Variants in KIAA1217 observed in about 807,000 individuals in gnomAD.
The protein encoded by KIAA1217 is KIAA1217.
Under a neutral mutation model 163.9 loss-of-function variants are expected in KIAA1217, and 88 were observed. The ratio of observed to expected loss-of-function variants is 0.54; its 90% CI spans 0.45 to 0.64. The LOEUF (loss-of-function observed/expected upper bound fraction) is 0.64, where lower values mean the gene tolerates loss of function less well. Ranked by LOEUF, KIAA1217 falls within the 30% of genes least tolerant of loss-of-function variation. The probability of loss-of-function intolerance (pLI) is 0.00; values close to 1 mark genes in which losing one functional copy is unlikely to be tolerated. For synonymous variants in KIAA1217, 903 were observed against 923.1 expected, an observed-to-expected ratio of 0.98 and a Z score of 0.39; for missense variants, 2,372 against 2,475.0, an observed-to-expected ratio of 0.96 and a Z score of 0.88.
At chr10:24,106,715 T>C (rs751546671) in intron 2 of KIAA1217, among the ~76,000 whole-genome samples, 16 of 152,178 alleles carry the variant, frequency 1.1e-4, no homozygotes, top group Non-Finnish European at 2.4e-4. Context: ...CTATACCAGA[T>C]GTACAGCAGA....
intron 1 of KIAA1217, among the ~76,000 whole-genome samples, chr10:23,828,713 A>G (rs1838025276): frequency 6.6e-6 from 1 of 152,190 alleles, no homozygotes. Flanking sequence ...CCTCTAAGAT[A>G]TGCTGTATGA....
Position 23,997,690 on chromosome 10 carries a change from G to T in KIAA1217, c.-320-9535G>T, listed in dbSNP as rs192188399. ...AGATAGAGAGATGTAACAGACCTGG[G>T]CCTTTCACTGTCTGGCAGCATTTTG... On this transcript the variant is annotated intron_variant, in intron 1 of 18. Transcript: ENST00000376462. 3.9e-5 allele frequency among the ~76,000 whole-genome samples: 6 copies of T among 152,282 alleles called. No homozygotes were observed. The East Asian group carries it at 1.2e-3, about 29-fold the overall frequency.
chr10:24,485,420 G>A (rs1449465668), intron 6 of KIAA1217, among the ~76,000 whole-genome samples: 2 of 152,120 alleles, frequency 1.3e-5, no homozygotes, highest in Non-Finnish European at 2.9e-5. Context: ...TGCTCTTTCT[G>A]CTGCTTCGTG....
intron 2 of KIAA1217, among the ~76,000 whole-genome samples, chr10:24,175,767 C>T (rs1401994758): frequency 6.6e-6 from 1 of 152,066 alleles, no homozygotes; most frequent in Non-Finnish European, 1.5e-5. Flanking sequence ...TGCAGACCTT[C>T]GTGGTGAGTG....
At chr10:24,064,959 T>C (rs2060880281) in intron 2 of KIAA1217, among the ~76,000 whole-genome samples, 1 of 152,314 alleles carries the variant, frequency 6.6e-6, no homozygotes, top group Non-Finnish European at 1.5e-5. Context: ...CTGATGGTAG[T>C]TTGTATTTCT....
At chr10:24,374,782 T>C (rs2052224765) in intron 2 of KIAA1217, among the ~76,000 whole-genome samples, 1 of 152,128 alleles carries the variant, frequency 6.6e-6, no homozygotes, top group African/African-American at 2.4e-5. Flanking sequence ...TTTTAAATTT[T>C]GTATTCTTCT....
rs867753874 is a variant in KIAA1217, at chr10:24,438,386, G to A, written c.753G>A (p.Arg251=). 6.2e-7 allele frequency: 1 copy of A among 1,608,886 alleles called. No homozygotes were observed. ...RNVYYELNDV[R]NIQDRSLLKV... ...TAGTTATCGATGTTTTTGATTCCAG[G>A]AACATTCAAGACAGATCACTCCTCA... The change falls in exon 5 of 21, where the codon AGG becomes AGA. Residue 251 remains arginine (R), a splice_region_variant and synonymous_variant. Transcript: ENST00000376454.
intron 1 of KIAA1217, among the ~76,000 whole-genome samples, chr10:23,767,312 T>C (rs143332825): frequency 6.6e-6 from 1 of 152,192 alleles, no homozygotes; most frequent in African/African-American, 2.4e-5. Context: ...TGATCAGCTA[T>C]GCATGTAGAT....
intron 1 of KIAA1217, among the ~76,000 whole-genome samples, chr10:23,712,974 T>A (rs183642123): frequency 3.7e-4 from 57 of 152,266 alleles, no homozygotes; most frequent in Admixed American, 7.9e-4. Flanking sequence ...GTTGTTAACA[T>A]GTAATGCGGC....
intron 1 of KIAA1217, among the ~76,000 whole-genome samples, chr10:23,718,766 A>G (rs1241065221): frequency 1.3e-5 from 2 of 151,832 alleles, no homozygotes; most frequent in Non-Finnish European, 2.9e-5. Context: ...TAGATGAAAT[A>G]CCTAATACAA....
chr10:23,838,951 C>A (rs1838630021), intron 1 of KIAA1217, among the ~76,000 whole-genome samples: 2 of 152,152 alleles, frequency 1.3e-5, no homozygotes, highest in South Asian at 4.1e-4. Flanking sequence ...TACATAAATA[C>A]AGGATTTTTT....
intron 1 of KIAA1217, among the ~76,000 whole-genome samples, chr10:23,980,342 G>C (rs1014974047): frequency 6.6e-6 from 1 of 152,148 alleles, no homozygotes; most frequent in African/African-American, 2.4e-5. Context: ...CTGTTTTTCT[G>C]AGGTCTCAAG....
chr10:23,764,243 A>T (rs1834403667), intron 1 of KIAA1217, among the ~76,000 whole-genome samples: 2 of 152,178 alleles, frequency 1.3e-5, no homozygotes, highest in Non-Finnish European at 2.9e-5. Flanking sequence ...GAAAATAAAA[A>T]CCACAATGAG....
At chr10:24,102,830 T>C (rs920570013) in intron 2 of KIAA1217, among the ~76,000 whole-genome samples, 4 of 152,102 alleles carry the variant, frequency 2.6e-5, no homozygotes, top group Non-Finnish European at 5.9e-5. Context: ...CCAAGTCTCA[T>C]CTTGAATTGT....
chr10:24,102,621 C>T (rs2062459873), intron 2 of KIAA1217, among the ~76,000 whole-genome samples: 2 of 152,208 alleles, frequency 1.3e-5, no homozygotes, highest in Admixed American at 1.3e-4. Flanking sequence ...GAAGGACTGA[C>T]ATTCCCCAAC....
At chr10:24,502,684 C>T (rs2067820771) in intron 9 of KIAA1217, among the ~76,000 whole-genome samples, 1 of 152,186 alleles carries the variant, frequency 6.6e-6, no homozygotes, top group Admixed American at 6.5e-5. Flanking sequence ...TCCAGAAGCT[C>T]ATAATCCAAA....
chr10:24,048,699 G>A lies in KIAA1217; in HGVS notation c.-171+41325G>A, dbSNP rs532807646. 1.5e-4 allele frequency among the ~76,000 whole-genome samples: 22 copies of A among 147,126 alleles called. No individual in the cohort carries two copies. The South Asian group carries it at 3.5e-3, about 23-fold the overall frequency. ...GAGCCAAGATCATACCCCTGCACCC[G>A]AGCCTGGGTGACAGAGCAAGACTCT... On this transcript the variant is annotated intron_variant, in intron 2 of 18. Coordinates refer to the KIAA1217 transcript ENST00000376462.
intron 1 of KIAA1217, among the ~76,000 whole-genome samples, chr10:23,821,094 TGTGTGTGTGC>T (rs899899955): frequency 1.5e-5 from 2 of 137,852 alleles, no homozygotes; most frequent in African/African-American, 3.0e-5. Context: ...TTCTTGCAGC[TGTGTGTGTGC>T]GTGTGTGTGT....
At chr10:24,078,412 A>G (rs1248269679) in intron 2 of KIAA1217, among the ~76,000 whole-genome samples, 1 of 152,222 alleles carries the variant, frequency 6.6e-6, no homozygotes, top group South Asian at 2.1e-4. Context: ...TGTCCCTAAC[A>G]TAGATGGGCA....
Sources: allele counts gnomAD v4.1 joint callset (sites outside exome capture counted in the v4.1 genomes callset), GRCh38; gene constraint gnomAD v4.1.1; transcripts MANE v1.5; gene names NCBI Gene and HGNC (gene_info 2026-07-23, HGNC 2026-07-21).